Variants in IL1RAP observed in about 807,000 individuals in gnomAD.
The protein encoded by IL1RAP is interleukin 1 receptor accessory protein.
Under a neutral mutation model 60.7 loss-of-function variants are expected in IL1RAP, and 35 were observed. The observed-to-expected ratio is 0.58, with a 90% CI of 0.44 to 0.76. The LOEUF is 0.76. Ranked by LOEUF, IL1RAP falls within the 30% of genes least tolerant of loss-of-function variation. The pLI is 0.00. For synonymous variants in IL1RAP, 268 were observed against 250.9 expected, an observed-to-expected ratio of 1.07 and a Z score of -0.64; for missense variants, 572 against 693.9, an observed-to-expected ratio of 0.82 and a Z score of 1.97.
chr3:190,653,734 A>C (rs1734504686), downstream of IL1RAP, among the ~76,000 whole-genome samples: 1 of 152,180 alleles, frequency 6.6e-6, no homozygotes, highest in Non-Finnish European at 1.5e-5. Context: ...ATATGGCCAT[A>C]CCTCATTTTT....
chr3:190,625,951 G>T (rs934959148), intron 7 of IL1RAP, among the ~76,000 whole-genome samples: 3 of 152,286 alleles, frequency 2.0e-5, no homozygotes, highest in Middle Eastern at 3.4e-3. Flanking sequence ...GGAGGGAAAA[G>T]ACTTAAGGAC....
At chr3:190,566,150 C>A (rs1228467159) in intron 3 of IL1RAP, among the ~76,000 whole-genome samples, 3 of 152,090 alleles carry the variant, frequency 2.0e-5, no homozygotes, top group Non-Finnish European at 4.4e-5. Context: ...TGTTCAGGAA[C>A]TTTTGTTTGT....
At chr3:190,643,513 A>G (rs545450264) in intron 9 of IL1RAP, among the ~76,000 whole-genome samples, 1 of 149,040 alleles carries the variant, frequency 6.7e-6, no homozygotes, top group East Asian at 1.9e-4. Flanking sequence ...CTTCCAAAGA[A>G]ACTGCAAAGG....
chr3:190,606,081 G>A (rs558466842), intron 4 of IL1RAP, among the ~76,000 whole-genome samples: 63 of 152,072 alleles, frequency 4.1e-4, no homozygotes, highest in South Asian at 3.5e-3. Context: ...GTGTTCTTGG[G>A]GGTTGCAGGT....
chr3:190,627,290 TG>T (rs1162573188), intron 7 of IL1RAP, 32 bp from the exon 8 acceptor site: 3 of 1,464,106 alleles, frequency 2.0e-6, no homozygotes, highest in South Asian at 2.5e-5. Flanking sequence ...TTTTGTTTTT[TG>T]TTTTTTTTGT....
chr3:190,606,844 T>C (rs1417921796), intron 4 of IL1RAP, among the ~76,000 whole-genome samples: 1 of 152,208 alleles, frequency 6.6e-6, no homozygotes, highest in African/African-American at 2.4e-5. Context: ...TTTAAGGCCA[T>C]AAAGTTAGTT....
chr3:190,622,400 A>G (rs891492523), intron 6 of IL1RAP, among the ~76,000 whole-genome samples: 1 of 152,108 alleles, frequency 6.6e-6, no homozygotes, highest in Admixed American at 6.5e-5. Context: ...GTTTAATTCA[A>G]TTTGACACCA....
At position 190,644,233 on chromosome 3, in the gene IL1RAP, T is replaced by C; in HGVS notation, c.1052-15T>C. On this transcript the variant is annotated splice_polypyrimidine_tract_variant and intron_variant, in intron 9 of 11. Transcript: ENST00000447382. ...CACACAGAAATCAATTCTGTTTCTT[T>C]GTTGTTCATTCCAGTGCCAGCTCCA... is the stretch of plus-strand genomic sequence containing the variant. 1.2e-6 allele frequency: 2 copies of C among 1,608,576 alleles called. No homozygotes were observed. The highest frequency in any genetic ancestry group is 1.1e-5 in the South Asian group (1 of 90,072).
intron 8 of IL1RAP, 26 bp downstream of exon 8, chr3:190,627,475 G>T: frequency 6.3e-7 from 1 of 1,598,944 alleles, no homozygotes; most frequent in Non-Finnish European, 8.5e-7. Context: ...GCAAGGGAGT[G>T]ATTAACCTTT....
intron 9 of IL1RAP, among the ~76,000 whole-genome samples, chr3:190,636,951 G>T (rs1474577889): frequency 6.6e-6 from 1 of 151,692 alleles, no homozygotes; most frequent in African/African-American, 2.4e-5. Flanking sequence ...TTTGTTTGGG[G>T]CTTGTTTTGT....
At chr3:190,523,035 AAC>A (rs1203296458) in intron 1 of IL1RAP, among the ~76,000 whole-genome samples, 1 of 152,160 alleles carries the variant, frequency 6.6e-6, no homozygotes, top group African/African-American at 2.4e-5. Flanking sequence ...AAGTGCCTAA[AAC>A]ACAGTTTTAC....
chr3:190,648,176 T>C (rs1734170759), intron 11 of IL1RAP, among the ~76,000 whole-genome samples, 162 bp from the exon 12 acceptor site: 1 of 152,166 alleles, frequency 6.6e-6, no homozygotes, highest in Non-Finnish European at 1.5e-5. Context: ...ACAAAGAGAG[T>C]TTGCAGGTAT....
At chr3:190,610,980 A>G (rs184276988) in intron 5 of IL1RAP, among the ~76,000 whole-genome samples, 8 of 152,362 alleles carry the variant, frequency 5.3e-5, no homozygotes, top group Admixed American at 3.3e-4. Context: ...TGATGATAGG[A>G]AATCAGTTTA....
At chr3:190,630,239 A>G in intron 9 of IL1RAP, 1 of 848,614 alleles carries the variant, frequency 1.2e-6, no homozygotes, top group Non-Finnish European at 1.4e-6. Flanking sequence ...TTATTCTACA[A>G]TAAATGGAAA....
At chr3:190,609,616 T>C (rs565594923) in intron 5 of IL1RAP, among the ~76,000 whole-genome samples, 1 of 152,326 alleles carries the variant, frequency 6.6e-6, no homozygotes, top group African/African-American at 2.4e-5. Context: ...TATGGTCTTT[T>C]CCACATCCAA....
intron 1 of IL1RAP, among the ~76,000 whole-genome samples, chr3:190,537,926 A>G (rs767913048): frequency 4.6e-4 from 70 of 152,122 alleles, no homozygotes; most frequent in African/African-American, 1.7e-3. Context: ...TTTCCTCTAA[A>G]TATCTCATGT....
intron 1 of IL1RAP, among the ~76,000 whole-genome samples, chr3:190,530,514 T>A (rs781287015): frequency 6.6e-6 from 1 of 152,200 alleles, no homozygotes; most frequent in Non-Finnish European, 1.5e-5. Flanking sequence ...AATGCTAGTG[T>A]ACATTACAAG....
chr3:190,528,577 C>T (rs1220417409), intron 1 of IL1RAP, among the ~76,000 whole-genome samples: 4 of 152,136 alleles, frequency 2.6e-5, no homozygotes, highest in Non-Finnish European at 4.4e-5. Context: ...TTCTGAGAAA[C>T]TTCTGTAGGC....
At chr3:190,655,740 A>T, downstream of IL1RAP, 1 of 646,800 alleles carries the variant, frequency 1.5e-6, no homozygotes, top group Admixed American at 2.9e-5. Flanking sequence ...AGTGGTGTAG[A>T]TTTTTTTGAC....
Sources: gnomAD v4.1 joint callset for allele counts (sites outside exome capture counted in the v4.1 genomes callset) on GRCh38, gnomAD v4.1.1 for gene constraint, MANE v1.5 for transcripts, NCBI Gene and HGNC (gene_info 2026-07-23, HGNC 2026-07-21) for gene names.